Variants in INPP5A observed in about 807,000 individuals in gnomAD.
INPP5A encodes 43 kDa inositol polyphosphate 5-phophatase.
In INPP5A, 14 loss-of-function variants were observed where a neutral mutation model predicts 65.2. The ratio of observed to expected loss-of-function variants is 0.21; its 90% CI spans 0.14 to 0.34. INPP5A has a LOEUF of 0.34. Among genes scored for constraint, INPP5A ranks in the 10% least tolerant of loss-of-function variants. The pLI, the probability that INPP5A is intolerant of heterozygous loss-of-function variation, is 1.00. For missense variants in INPP5A, 431 were observed against 545.6 expected, an observed-to-expected ratio of 0.79 and a Z score of 2.09; for synonymous variants, 207 against 208.3, an observed-to-expected ratio of 0.99 and a Z score of 0.05.
chr10:132,743,519 G>T (rs1846314375), intron 9 of INPP5A, among the ~76,000 whole-genome samples: 1 of 152,256 alleles, frequency 6.6e-6, no homozygotes, highest in Admixed American at 6.5e-5. Flanking sequence ...CTAACCCTGG[G>T]GCTGTGGGCT....
chr10:132,765,663 A>G (rs929118821), intron 11 of INPP5A, 110 bp from the exon 12 acceptor site: 2 of 709,544 alleles, frequency 2.8e-6, no homozygotes, highest in South Asian at 1.6e-5. Context: ...CGGCTCTGGG[A>G]AGAGCAGATG....
intron 1 of INPP5A, among the ~76,000 whole-genome samples, chr10:132,596,927 A>ATG (rs1491121952): frequency 1.4e-3 from 21 of 14,548 alleles, no homozygotes; most frequent in Non-Finnish European, 2.8e-3. Flanking sequence ...GTGTGCGCGC[A>ATG]TGTGCACGCA....
chr10:132,682,056 G>C (rs2073054406), intron 4 of INPP5A, among the ~76,000 whole-genome samples: 1 of 152,174 alleles, frequency 6.6e-6, no homozygotes, highest in Non-Finnish European at 1.5e-5. Flanking sequence ...GGGAAGAGCG[G>C]GAAGGGGAGA....
intron 11 of INPP5A, among the ~76,000 whole-genome samples, chr10:132,756,699 C>T (rs1418471346): frequency 6.6e-6 from 1 of 152,232 alleles, no homozygotes; most frequent in Non-Finnish European, 1.5e-5. Context: ...CACTTCTTAC[C>T]ATTACTGTAA....
At chr10:132,764,773 G>C (rs1485408187) in intron 11 of INPP5A, among the ~76,000 whole-genome samples, 10 of 138,030 alleles carry the variant, frequency 7.2e-5, no homozygotes, top group Non-Finnish European at 1.1e-4. Context: ...GAGGGTGTGC[G>C]TGGTGACACT....
At chr10:132,694,040 A>C (rs1442171771) in intron 5 of INPP5A, among the ~76,000 whole-genome samples, 1 of 152,186 alleles carries the variant, frequency 6.6e-6, no homozygotes, top group Non-Finnish European at 1.5e-5. Flanking sequence ...TCTAATTGAC[A>C]CTTATAGGAT....
At chr10:132,690,628 C>A (rs1331034501) in intron 5 of INPP5A, among the ~76,000 whole-genome samples, 173 bp downstream of exon 5, 1 of 152,110 alleles carries the variant, frequency 6.6e-6, no homozygotes, top group East Asian at 1.9e-4. Flanking sequence ...CTCGAGGCCC[C>A]TTGGCTGTCC....
chr10:132,574,799 T>G (rs1266869699), intron 1 of INPP5A, among the ~76,000 whole-genome samples: 1 of 151,954 alleles, frequency 6.6e-6, no homozygotes, highest in Non-Finnish European at 1.5e-5. Flanking sequence ...CAAGCCATTT[T>G]CCTGCCTCAG....
chr10:132,585,737 A>T (rs970503471), intron 1 of INPP5A, among the ~76,000 whole-genome samples: 7 of 152,162 alleles, frequency 4.6e-5, no homozygotes, highest in Non-Finnish European at 7.4e-5. Flanking sequence ...CTTGCACTTC[A>T]TTCTTTTTCC....
chr10:132,719,876 T>TA (rs1452416505), intron 8 of INPP5A, among the ~76,000 whole-genome samples: 1 of 150,310 alleles, frequency 6.7e-6, no homozygotes, highest in Non-Finnish European at 1.5e-5. Context: ...CTGGGCGCCT[T>TA]AGACGGCTGT....
Position 132,637,907 on chromosome 10 carries a change from CT to C in INPP5A, c.118-7953del, listed in dbSNP as rs760987882. 8.6e-5 allele frequency among the ~76,000 whole-genome samples: 13 copies of C among 151,478 alleles called. No homozygotes were observed. Among genetic ancestry groups the C allele is most frequent in the Admixed American group, 5.3e-4 (8 of 15,190 alleles). On this transcript the variant is annotated intron_variant, in intron 2 of 15. Coordinates refer to ENST00000368594, the MANE Select transcript of INPP5A (RefSeq NM_005539.5). The surrounding 1 kb of genome is among the most constrained non-coding windows in gnomAD (Gnocchi z 4.1). Reference sequence around the variant, plus strand: ...AGTTTGTGTGTGTACAATTTTTTGTCTTTTTTTTACAGCCGTTTTGTAGGGA... The same window carrying C: ...AGTTTGTGTGTGTACAATTTTTTGTCTTTTTTTACAGCCGTTTTGTAGGGA...
intron 1 of INPP5A, among the ~76,000 whole-genome samples, chr10:132,585,246 A>G (rs985264824): frequency 6.6e-6 from 1 of 152,264 alleles, no homozygotes; most frequent in Admixed American, 6.5e-5. Context: ...GTTCTTAAAA[A>G]TGAAATAAAA....
rs1415730751 is a variant in INPP5A, at chr10:132,549,700, G to T, written c.75+11529G>T. Among the ~76,000 whole-genome samples the T allele has an allele frequency of 1.3e-5, 2 of 152,216 alleles. No homozygotes were observed. Among genetic ancestry groups the T allele is most frequent in the East Asian group, 3.9e-4 (2 of 5,194 alleles). On this transcript the variant is annotated intron_variant, in intron 1 of 15. Transcript: ENST00000368594. This position sits in a 1 kb window ranked among gnomAD's most constrained non-coding sequence, Gnocchi z 4.9. The stretch of plus-strand genomic sequence containing the variant: ...CTCTGCAGCTGCAGGGCGGGAGCCG[G>T]GGCTTCCGTGAGGCTCTGTGACACA...
In INPP5A at chr10:132,741,911, G is replaced by A. The variant is rs564214903; in HGVS notation, c.733-7606G>A. On this transcript the variant is annotated intron_variant, in intron 9 of 15. Transcript: ENST00000368594. The surrounding 1 kb of genome is among the most constrained non-coding windows in gnomAD (Gnocchi z 4.4). ...CACGAATGGCTTCTTTCCGAGATGT[G>A]GCCGTCCTCTGCAGAAAGGATGCAT... 6.6e-6 allele frequency among the ~76,000 whole-genome samples: 1 copy of A among 152,282 alleles called. No individual in the cohort carries two copies. The highest frequency in any genetic ancestry group is 1.9e-4 in the East Asian group (1 of 5,164).
At chr10:132,634,124 GT>G (rs1315557759) in intron 2 of INPP5A, among the ~76,000 whole-genome samples, 1 of 152,258 alleles carries the variant, frequency 6.6e-6, no homozygotes, top group Non-Finnish European at 1.5e-5. Context: ...GATGTTCTCA[GT>G]TGTCTCATAA....
chr10:132,750,809 G>A (rs558001730), intron 11 of INPP5A, among the ~76,000 whole-genome samples: 7 of 152,196 alleles, frequency 4.6e-5, no homozygotes, highest in South Asian at 2.1e-4. Flanking sequence ...TTGGCGCTGC[G>A]TCAGGGCAGG....
At chr10:132,539,477 A>G (rs2070882036) in intron 1 of INPP5A, among the ~76,000 whole-genome samples, 1 of 151,866 alleles carries the variant, frequency 6.6e-6, no homozygotes, top group Admixed American at 6.5e-5. Flanking sequence ...ATTCCCACCC[A>G]GGATCCCAGG....
chr10:132,635,353 T>G (rs1043832228), intron 2 of INPP5A, among the ~76,000 whole-genome samples: 8 of 151,654 alleles, frequency 5.3e-5, no homozygotes, highest in African/African-American at 1.9e-4. Context: ...CATTCCATTT[T>G]TATTTCTTTA....
intron 5 of INPP5A, among the ~76,000 whole-genome samples, chr10:132,695,381 A>G (rs1416764305): frequency 6.6e-6 from 1 of 152,244 alleles, no homozygotes; most frequent in African/African-American, 2.4e-5. Flanking sequence ...CAAAAATCCT[A>G]CAATGAATAC....
Sources: gnomAD v4.1 joint callset for allele counts (sites outside exome capture counted in the v4.1 genomes callset) on GRCh38, gnomAD v4.1.1 for gene constraint, Gnocchi (gnomAD v3.1) non-coding constraint, MANE v1.5 for transcripts, NCBI Gene and HGNC (gene_info 2026-07-23, HGNC 2026-07-21) for gene names.